The following EPHA6 variants were observed in gnomAD, a reference collection of about 807,000 sequenced individuals.
EPHA6 encodes the protein EPH receptor A6.
Under a neutral mutation model 112.0 loss-of-function variants are expected in EPHA6, and 50 were observed. That is an observed-to-expected ratio of 0.45 (90% confidence interval 0.36 to 0.56). The LOEUF (loss-of-function observed/expected upper bound fraction) is 0.56, where lower values mean the gene tolerates loss of function less well. Ranked by LOEUF, EPHA6 falls within the 20% of genes least tolerant of loss-of-function variation. The probability of loss-of-function intolerance (pLI) is 0.00; values close to 1 mark genes in which losing one functional copy is unlikely to be tolerated. For missense variants in EPHA6, 1,280 were observed against 1,417.4 expected, an observed-to-expected ratio of 0.90 and a Z score of 1.56; for synonymous variants, 529 against 490.7, an observed-to-expected ratio of 1.08 and a Z score of -1.03.
chr3:97,469,653 G>A (rs1395252537), intron 7 of EPHA6, among the ~76,000 whole-genome samples: 1 of 151,722 alleles, frequency 6.6e-6, no homozygotes, highest in African/African-American at 2.4e-5. Flanking sequence ...CTTGGAAGGC[G>A]AAGGAGAGAA....
intron 5 of EPHA6, among the ~76,000 whole-genome samples, chr3:97,312,580 G>A (rs1213970320): frequency 6.6e-6 from 1 of 151,316 alleles, no homozygotes; most frequent in African/African-American, 2.4e-5. Flanking sequence ...AAACACTTCT[G>A]GTCCCAATCA....
At position 97,748,681 on chromosome 3, in the gene EPHA6, G is replaced by C; in HGVS notation, c.3373G>C (p.Glu1125Gln). Residue 1125 changes from glutamate to glutamine, a missense_variant, in exon 18 of 18, where the codon GAG becomes CAG. By Grantham distance (29) the Glu-to-Gln change is conservative. Around this residue, in one of 4 missense-constraint regions of EPHA6, gnomAD observed 145 missense variants for 153.3 expected, o/e 0.95. Transcript: ENST00000389672. ...ACGTTTACACATGATGCACATACAG[G>C]AGAAGGGATTTCATGTATGAAAGTA... is the stretch of plus-strand genomic sequence containing the variant. ...TLRLHMMHIQ[E>Q]KGFHV 6.9e-6 allele frequency: 11 copies of C among 1,604,158 alleles called. No homozygotes were observed. Among genetic ancestry groups the C allele is most frequent in the Non-Finnish European group, 7.7e-6 (9 of 1,171,246 alleles).
intron 13 of EPHA6, among the ~76,000 whole-genome samples, chr3:97,618,799 C>T (rs1426524173): frequency 2.0e-5 from 3 of 151,986 alleles, no homozygotes; most frequent in African/African-American, 4.8e-5. Context: ...AAGCCCAGGA[C>T]CAGATGGATT....
At chr3:97,699,662 C>T (rs897176257) in intron 14 of EPHA6, among the ~76,000 whole-genome samples, 5 of 152,102 alleles carry the variant, frequency 3.3e-5, no homozygotes, top group African/African-American at 1.2e-4. Flanking sequence ...TTCCCAAGTC[C>T]AACATAGAAA....
intron 2 of EPHA6, among the ~76,000 whole-genome samples, chr3:96,908,765 A>G (rs1255483768): frequency 6.6e-6 from 1 of 151,930 alleles, no homozygotes; most frequent in East Asian, 1.9e-4. Context: ...GTTTCAATAA[A>G]GAAAACAATT....
At chr3:97,199,185 G>T (rs756367404) in intron 3 of EPHA6, among the ~76,000 whole-genome samples, 1 of 152,054 alleles carries the variant, frequency 6.6e-6, no homozygotes, top group Non-Finnish European at 1.5e-5. Flanking sequence ...ACATGCATTT[G>T]GTTTTGATTG....
chr3:97,547,483 G>A (rs1036751207), intron 11 of EPHA6, among the ~76,000 whole-genome samples: 3 of 152,156 alleles, frequency 2.0e-5, no homozygotes, highest in Non-Finnish European at 4.4e-5. Flanking sequence ...ATACTGGGGG[G>A]TGCCTCCCAG....
chr3:97,234,685 ATTC>A (rs548689734), intron 4 of EPHA6, among the ~76,000 whole-genome samples: 2 of 152,000 alleles, frequency 1.3e-5, no homozygotes, highest in African/African-American at 4.8e-5. Context: ...ACCATTGATG[ATTC>A]TTCTTCTTTT....
At chr3:96,993,205 G>A (rs969807161) in intron 3 of EPHA6, among the ~76,000 whole-genome samples, 2 of 151,972 alleles carry the variant, frequency 1.3e-5, no homozygotes, top group Non-Finnish European at 2.9e-5. Flanking sequence ...ATTTCCTGGG[G>A]CCACACAGTC....
intron 3 of EPHA6, among the ~76,000 whole-genome samples, chr3:97,023,995 AT>A (rs1368895788): frequency 3.3e-5 from 5 of 152,012 alleles, no homozygotes; most frequent in Non-Finnish European, 7.4e-5. Flanking sequence ...CTGTTTCTGT[AT>A]TTTTTTCTCT....
At chr3:97,648,192 T>G in intron 14 of EPHA6, 1 of 584,232 alleles carries the variant, frequency 1.7e-6, no homozygotes. Flanking sequence ...GTCGAAATAC[T>G]TTGTTGAAAT....
intron 11 of EPHA6, among the ~76,000 whole-genome samples, chr3:97,554,531 A>G (rs546596512): frequency 2.9e-4 from 44 of 152,264 alleles, no homozygotes; most frequent in African/African-American, 9.6e-4. Flanking sequence ...ATAAAAGTCT[A>G]AATGGCAATA....
intron 14 of EPHA6, among the ~76,000 whole-genome samples, chr3:97,674,135 AAAT>A (rs1253107572): frequency 2.0e-5 from 3 of 152,208 alleles, no homozygotes; most frequent in African/African-American, 7.2e-5. Context: ...ATTGCCCCAG[AAAT>A]AATATCTATG....
chr3:97,633,513 C>T (rs187411365), intron 13 of EPHA6, among the ~76,000 whole-genome samples: 35 of 152,116 alleles, frequency 2.3e-4, no homozygotes, highest in Middle Eastern at 3.4e-3. Context: ...ATAAACAATT[C>T]GATTCAATTT....
chr3:96,820,650 A>G (rs1031633119), intron 1 of EPHA6, among the ~76,000 whole-genome samples: 3 of 152,086 alleles, frequency 2.0e-5, no homozygotes, highest in African/African-American at 7.2e-5. Flanking sequence ...TGAGATGTGT[A>G]TTTTCCACTT....
chr3:97,669,644 T>A (rs2030582711), intron 14 of EPHA6, among the ~76,000 whole-genome samples: 1 of 150,996 alleles, frequency 6.6e-6, no homozygotes, highest in Non-Finnish European at 1.5e-5. Flanking sequence ...GATCTAGAAA[T>A]CTGCAATTTT....
At chr3:97,733,468 G>A (rs2035125999) in intron 15 of EPHA6, among the ~76,000 whole-genome samples, 4 of 152,134 alleles carry the variant, frequency 2.6e-5, no homozygotes, top group Admixed American at 2.0e-4. Flanking sequence ...TTAATAGGTT[G>A]AGACACTAAG....
rs567707838 is a variant in EPHA6 at position 97,400,117 on chromosome 3, A to G, written c.1607-5033A>G. ...TTAATCCATTTATGTTGATTTTTGT[A>G]TATGGTGAGAGATAGGTATCTAGTT... On this transcript the variant is annotated intron_variant, in intron 5 of 17. Coordinates refer to ENST00000389672, the MANE Select transcript of EPHA6 (RefSeq NM_001080448.3). 4.6e-5 allele frequency among the ~76,000 whole-genome samples: 7 copies of G among 151,720 alleles called. No individual in the cohort carries two copies. In the South Asian group the frequency reaches 8.3e-4, roughly 18 times the overall value.
chr3:97,347,359 A>G (rs2083584592), intron 5 of EPHA6, among the ~76,000 whole-genome samples: 1 of 152,180 alleles, frequency 6.6e-6, no homozygotes, highest in Admixed American at 6.5e-5. Context: ...TTAGATATAA[A>G]ATACACAAAC....
Sources: allele counts gnomAD v4.1 joint callset (sites outside exome capture counted in the v4.1 genomes callset), GRCh38; gene constraint gnomAD v4.1.1; regional missense constraint gnomAD v4.1.1; transcripts MANE v1.5; gene names NCBI Gene and HGNC (gene_info 2026-07-23, HGNC 2026-07-21).